Variants in PSME4 observed in about 807,000 individuals in gnomAD.
PSME4 encodes the protein proteasome activator subunit 4.
In PSME4, 89 loss-of-function variants were observed where a neutral mutation model predicts 253.9. The observed-to-expected ratio is 0.35, with a 90% CI of 0.30 to 0.42. The LOEUF (loss-of-function observed/expected upper bound fraction) is 0.42. Among genes scored for constraint, PSME4 ranks in the 10% least tolerant of loss-of-function variants. PSME4 has a pLI of 1.00. For missense variants in PSME4, 2,014 were observed against 2,195.2 expected (o/e 0.92, Z 1.65); for synonymous variants, 851 against 759.2 (o/e 1.12, Z -1.99).
chr2:53,879,801 C>CAAAAAAAAA (rs55730803), intron 41 of PSME4, among the ~76,000 whole-genome samples: 6 of 89,928 alleles, frequency 6.7e-5, no homozygotes, highest in South Asian at 4.0e-4. Context: ...GACCCTGTCT[C>CAAAAAAAAA]AAAAAAAAAA....
At chr2:53,959,129 C>G (rs1051425752) in intron 1 of PSME4, among the ~76,000 whole-genome samples, 2 of 152,206 alleles carry the variant, frequency 1.3e-5, no homozygotes, top group African/African-American at 4.8e-5. Context: ...CTAGCCTGGG[C>G]AACATGGCAA....
At chr2:53,875,212 C>G (rs1679065285) in intron 42 of PSME4, among the ~76,000 whole-genome samples, 1 of 152,158 alleles carries the variant, frequency 6.6e-6, no homozygotes, top group Admixed American at 6.5e-5. Flanking sequence ...TGTGTAATGT[C>G]TGGATAAAGC....
intron 41 of PSME4, among the ~76,000 whole-genome samples, chr2:53,877,363 T>C (rs965460449): frequency 2.6e-5 from 4 of 151,672 alleles, no homozygotes; most frequent in Admixed American, 2.0e-4. Context: ...CAGTGAGCTA[T>C]GATCACAGCA....
At chr2:53,897,755 C>CAAT in intron 31 of PSME4, 115 bp downstream of exon 31, 1 of 1,197,858 alleles carries the variant, frequency 8.3e-7, no homozygotes, top group Non-Finnish European at 1.2e-6. Flanking sequence ...GATTTCAAAT[C>CAAT]AATACACTTC....
At chr2:53,932,613 G>T in intron 9 of PSME4, 55 bp downstream of exon 9, 1 of 1,402,120 alleles carries the variant, frequency 7.1e-7, no homozygotes, top group South Asian at 1.2e-5. Flanking sequence ...AATAGTCAAG[G>T]ATGACCATAT....
intron 1 of PSME4, among the ~76,000 whole-genome samples, chr2:53,954,832 T>C (rs1214581220): frequency 6.7e-6 from 1 of 148,898 alleles, no homozygotes; most frequent in Non-Finnish European, 1.5e-5. Context: ...CAGAGAGACC[T>C]GTCTCAAAAA....
chr2:53,869,729 A>T (rs923739010), intron 43 of PSME4, 191 bp from the exon 44 acceptor site: 1 of 408,642 alleles, frequency 2.4e-6, no homozygotes, highest in Non-Finnish European at 4.3e-6. Context: ...CATAATGGAT[A>T]AAAACTACAT....
chr2:53,934,895 A>G (rs1341319614), intron 7 of PSME4, among the ~76,000 whole-genome samples, 168 bp from the exon 8 acceptor site: 1 of 152,250 alleles, frequency 6.6e-6, no homozygotes, highest in Non-Finnish European at 1.5e-5. Context: ...CAAAAATTAC[A>G]TATAAATATC....
intron 1 of PSME4, among the ~76,000 whole-genome samples, chr2:53,967,971 C>A (rs1352233981): frequency 6.6e-6 from 1 of 152,036 alleles, no homozygotes; most frequent in East Asian, 1.9e-4. Context: ...AGTAGAAATG[C>A]TTCTCAAGAA....
intron 41 of PSME4, among the ~76,000 whole-genome samples, chr2:53,881,835 C>T (rs1430466841): frequency 6.6e-6 from 1 of 152,078 alleles, no homozygotes; most frequent in Non-Finnish European, 1.5e-5. Flanking sequence ...CTGCCCGCCT[C>T]GGTCTCCCAA....
chr2:53,920,357 G>A lies in PSME4; in HGVS notation c.2263-7C>T, dbSNP rs950164874. 6 of 1,605,880 alleles carry A rather than the reference G, an allele frequency of 3.7e-6. No homozygotes were observed. Among genetic ancestry groups the A allele is most frequent in the Non-Finnish European group, 5.1e-6 (6 of 1,176,126 alleles). On this transcript the variant is annotated splice_polypyrimidine_tract_variant and splice_region_variant and intron_variant, in intron 18 of 46. Coordinates refer to ENST00000404125, the MANE Select transcript of PSME4 (RefSeq NM_014614.3). The stretch of plus-strand genomic sequence containing the variant: ...CCCCGGGTTTGCCCCAGTCCTAGAA[G>A]AGAACAGCATCTACTCAGCAAGTTG...
intron 43 of PSME4, 51 bp downstream of exon 43, chr2:53,874,288 A>T (rs555040406): frequency 7.1e-6 from 11 of 1,540,820 alleles, no homozygotes; most frequent in Non-Finnish European, 9.7e-6. Context: ...GGGAACCATG[A>T]TGGTTTCTTT....
intron 7 of PSME4, 124 bp downstream of exon 7, chr2:53,935,963 G>T: frequency 1.6e-6 from 2 of 1,279,708 alleles, no homozygotes; most frequent in Admixed American, 2.9e-5. Context: ...CTGCAATCTT[G>T]GCTCACTGCA....
chr2:53,922,632 T>C (rs1377971257), intron 16 of PSME4, 48 bp from the exon 17 acceptor site: 1 of 1,570,200 alleles, frequency 6.4e-7, no homozygotes. Flanking sequence ...TGCATTCAAC[T>C]AAATATAGCA....
Position 53,965,810 on chromosome 2 carries a change from C to A in PSME4, c.242+4733G>T, listed in dbSNP as rs574616066. Among the ~76,000 whole-genome samples the A allele has an allele frequency of 3.1e-3, 477 of 152,060 alleles. 8 individuals are homozygous for A. The highest frequency in any genetic ancestry group is 3.2e-3 in the Non-Finnish European group (215 of 67,958). On this transcript the variant is annotated intron_variant, in intron 1 of 46. Coordinates refer to ENST00000404125, the MANE Select transcript of PSME4 (RefSeq NM_014614.3). The stretch of plus-strand genomic sequence containing the variant: ...TCAGCCCCCCGAGTAGCTGGGACTA[C>A]AGGCACCCGCCATCATGCCCGGCTA...
chr2:53,969,789 C>G (rs1670951936), intron 1 of PSME4, among the ~76,000 whole-genome samples: 1 of 149,832 alleles, frequency 6.7e-6, no homozygotes, highest in Non-Finnish European at 1.5e-5. Flanking sequence ...ATCTGAGTAA[C>G]TCAAAAAATT....
rs1678998151 is a variant in PSME4 at position 53,873,686 on chromosome 2, T to A, written c.5100+653A>T. ...GACAGCAAACCTGTATTAAGTCTAC[T>A]GGATAGCAGCGCCTATGTGTAGATT... On this transcript the variant is annotated intron_variant, in intron 43 of 46. Transcript: ENST00000404125. 2.0e-5 allele frequency among the ~76,000 whole-genome samples: 3 copies of A among 152,380 alleles called. No individual in the cohort carries two copies. The South Asian group carries it at 6.2e-4, about 32-fold the overall frequency.
At chr2:53,882,551 A>G (rs1465886485) in intron 41 of PSME4, among the ~76,000 whole-genome samples, 2 of 151,894 alleles carry the variant, frequency 1.3e-5, no homozygotes, top group Admixed American at 6.5e-5. Context: ...TGAGAGGGAT[A>G]AAGTTCAGAG....
At chr2:53,895,167 C>T (rs1224032803) in intron 33 of PSME4, 91 bp from the exon 34 acceptor site, 2 of 1,101,388 alleles carry the variant, frequency 1.8e-6, no homozygotes, top group East Asian at 4.8e-5. Context: ...TTTTAATGAA[C>T]TCTAACTAGA....
Sources: allele counts gnomAD v4.1 joint callset (sites outside exome capture counted in the v4.1 genomes callset), GRCh38; gene constraint gnomAD v4.1.1; transcripts MANE v1.5; gene names NCBI Gene and HGNC (gene_info 2026-07-23, HGNC 2026-07-21).